PDE4D: variants seen among roughly 807,000 people sequenced by gnomAD.
PDE4D encodes the protein 3',5'-cyclic-AMP phosphodiesterase 4D.
Under a neutral mutation model 87.4 loss-of-function variants are expected in PDE4D, and 24 were observed. That is an observed-to-expected ratio of 0.27 (90% CI 0.20 to 0.39). The LOEUF is 0.39. Ranked by LOEUF, PDE4D falls within the 10% of genes least tolerant of loss-of-function variation. The pLI is 1.00. For synonymous variants in PDE4D, 384 were observed against 383.2 expected (o/e 1.00, Z -0.02); for missense variants, 714 against 1,041.0 (o/e 0.69, Z 4.32).
intron 3 of PDE4D, among the ~76,000 whole-genome samples, chr5:59,936,153 T>C (rs1056508059): frequency 6.6e-6 from 1 of 151,950 alleles, no homozygotes; most frequent in Non-Finnish European, 1.5e-5. Context: ...TAGGTGGGAA[T>C]TGAACAATGA....
intron 1 of PDE4D, among the ~76,000 whole-genome samples, chr5:59,344,035 G>A (rs150060140): frequency 1.9e-3 from 284 of 152,170 alleles, no homozygotes; most frequent in African/African-American, 6.4e-3. Context: ...TACATTTTGC[G>A]TGGTGGATTA....
intron 1 of PDE4D, among the ~76,000 whole-genome samples, chr5:60,358,941 G>A (rs772338947): frequency 6.6e-6 from 1 of 152,146 alleles, no homozygotes; most frequent in Non-Finnish European, 1.5e-5. Context: ...GGAGTCCTAG[G>A]TCTGTCTTCA....
intron 1 of PDE4D, among the ~76,000 whole-genome samples, chr5:60,502,897 G>T (rs974263740): frequency 1.3e-5 from 2 of 151,888 alleles, no homozygotes; most frequent in Admixed American, 6.6e-5. Context: ...TATTTTCTTA[G>T]AATTTCTTTA....
At chr5:59,678,230 C>T (rs1748437100) in intron 1 of PDE4D, among the ~76,000 whole-genome samples, 1 of 151,980 alleles carries the variant, frequency 6.6e-6, no homozygotes, top group Admixed American at 6.6e-5. Context: ...TTTTTCACAA[C>T]TTCTTATTGT....
chr5:59,710,120 A>C (rs941302717), intron 1 of PDE4D, among the ~76,000 whole-genome samples: 11 of 152,282 alleles, frequency 7.2e-5, no homozygotes, highest in Non-Finnish European at 1.2e-4. Flanking sequence ...TATACAACGA[A>C]CCAGAACTAT....
chr5:60,304,850 G>A (rs919192362), intron 1 of PDE4D, among the ~76,000 whole-genome samples: 1 of 151,866 alleles, frequency 6.6e-6, no homozygotes, highest in Non-Finnish European at 1.5e-5. Flanking sequence ...AATGGTAATT[G>A]AAATGGCAAC....
chr5:60,078,672 T>C (rs1485974723), intron 2 of PDE4D, among the ~76,000 whole-genome samples: 1 of 152,210 alleles, frequency 6.6e-6, no homozygotes, highest in Non-Finnish European at 1.5e-5. Flanking sequence ...TTTCTGAGGA[T>C]GATGGCTTCC....
chr5:60,456,833 G>C (rs1168909467), intron 1 of PDE4D, among the ~76,000 whole-genome samples: 1 of 152,074 alleles, frequency 6.6e-6, no homozygotes, highest in Non-Finnish European at 1.5e-5. Context: ...ATCCTCTGTA[G>C]GAACACAAGA....
intron 1 of PDE4D, among the ~76,000 whole-genome samples, chr5:60,397,970 T>C (rs1438501287): frequency 6.6e-6 from 1 of 152,216 alleles, no homozygotes. Flanking sequence ...ACTCTTACAG[T>C]TATTCACAGC....
chr5:59,552,113 A>C (rs1047163838), intron 1 of PDE4D, among the ~76,000 whole-genome samples: 2 of 152,166 alleles, frequency 1.3e-5, no homozygotes, highest in Non-Finnish European at 2.9e-5. Flanking sequence ...TAGCTACTCA[A>C]GAGGCTGAAG....
At chr5:59,189,634 T>C (rs1257853421) in intron 3 of PDE4D, among the ~76,000 whole-genome samples, 6 of 152,130 alleles carry the variant, frequency 3.9e-5, no homozygotes, top group Admixed American at 6.6e-5. Flanking sequence ...GCCTCCTTAG[T>C]GCTCCTTGGC....
At chr5:59,828,505 T>C (rs1770590121) in intron 1 of PDE4D, among the ~76,000 whole-genome samples, 1 of 152,084 alleles carries the variant, frequency 6.6e-6, no homozygotes, top group Non-Finnish European at 1.5e-5. Context: ...GAGGTATCTA[T>C]GCCTCAAGAG....
chr5:60,123,762 GAA>G (rs1484026314), intron 2 of PDE4D, among the ~76,000 whole-genome samples: 7 of 152,122 alleles, frequency 4.6e-5, no homozygotes, highest in African/African-American at 1.7e-4. Flanking sequence ...ATGACAGGAA[GAA>G]AACCCTAATT....
intron 1 of PDE4D, among the ~76,000 whole-genome samples, chr5:59,822,049 A>G (rs1769747379): frequency 6.6e-6 from 1 of 152,172 alleles, no homozygotes; most frequent in Admixed American, 6.5e-5. Context: ...GTTTCCCACA[A>G]ATTGTATATA....
intron 2 of PDE4D, among the ~76,000 whole-genome samples, chr5:60,177,041 A>T (rs1582974640): frequency 1.3e-5 from 2 of 152,030 alleles, no homozygotes; most frequent in Admixed American, 6.6e-5. Flanking sequence ...AGAAATGATT[A>T]TTTTTTTATA....
intron 1 of PDE4D, among the ~76,000 whole-genome samples, chr5:59,602,768 C>G (rs1827695817): frequency 6.6e-6 from 1 of 152,114 alleles, no homozygotes; most frequent in Non-Finnish European, 1.5e-5. Flanking sequence ...AAAGGCATCA[C>G]ATTACCTGAC....
chr5:60,305,506 C>A (rs1754416187), intron 1 of PDE4D, among the ~76,000 whole-genome samples: 1 of 151,666 alleles, frequency 6.6e-6, no homozygotes. Flanking sequence ...AGAGGAGAGT[C>A]CAGAGAAATA....
intron 1 of PDE4D, among the ~76,000 whole-genome samples, chr5:60,361,220 A>G (rs907927465): frequency 6.6e-6 from 1 of 152,168 alleles, no homozygotes; most frequent in Non-Finnish European, 1.5e-5. Flanking sequence ...CACCTTCCCT[A>G]TGTCTGATCT....
In PDE4D at chr5:59,625,035, T is replaced by C. The variant is rs370238119; in HGVS notation, c.455+268133A>G. On this transcript the variant is annotated intron_variant, in intron 1 of 14. Coordinates refer to ENST00000340635, the MANE Select transcript of PDE4D (RefSeq NM_001104631.2). ...GTGTTACTCCACGGTTATATTACTT[T>C]ACATGGAAAAAGGAATTTTTGTAGA... is the stretch of plus-strand genomic sequence containing the variant. Among the ~76,000 whole-genome samples, 6 of 152,340 alleles carry C rather than the reference T, an allele frequency of 3.9e-5. 1 individual carries two copies. Among genetic ancestry groups the C allele is most frequent in the African/African-American group, 1.2e-4 (5 of 41,580 alleles).
Sources: gnomAD v4.1 joint callset for allele counts (sites outside exome capture counted in the v4.1 genomes callset) on GRCh38, gnomAD v4.1.1 for gene constraint, MANE v1.5 for transcripts, NCBI Gene and HGNC (gene_info 2026-07-23, HGNC 2026-07-21) for gene names.